FSTL4: variants seen among roughly 807,000 people sequenced by gnomAD.
The protein encoded by FSTL4 is follistatin-related protein 4.
In FSTL4, 28 loss-of-function variants were observed where a neutral mutation model predicts 78.2. That is an observed-to-expected ratio of 0.36 (90% confidence interval 0.27 to 0.49). The LOEUF is 0.49. Among genes scored for constraint, FSTL4 ranks in the 20% least tolerant of loss-of-function variants. The pLI is 0.98. For synonymous variants in FSTL4, 422 were observed against 440.5 expected (o/e 0.96, Z 0.53); for missense variants, 922 against 1,084.9 (o/e 0.85, Z 2.11).
At chr5:133,837,063 G>T in the FSTL4 span, among the ~76,000 whole-genome samples, 1 of 151,890 alleles carries the variant, frequency 6.6e-6, no homozygotes, top group Non-Finnish European at 1.5e-5. Flanking sequence ...CTCCAGTTAC[G>T]CATGTTAGAC....
At chr5:133,460,976 G>A (rs940200745) in intron 3 of FSTL4, among the ~76,000 whole-genome samples, 7 of 152,202 alleles carry the variant, frequency 4.6e-5, no homozygotes, top group African/African-American at 1.7e-4. Flanking sequence ...TTAATTGTAT[G>A]TATAAAGTAG....
the FSTL4 span, among the ~76,000 whole-genome samples, chr5:133,670,808 C>A: frequency 0.012 from 1,793 of 152,270 alleles, 31 homozygotes; most frequent in African/African-American, 0.041. Flanking sequence ...GGAGTGAGTA[C>A]ATTTTGCGTG....
At chr5:133,767,260 C>T in the FSTL4 span, among the ~76,000 whole-genome samples, 2 of 152,134 alleles carry the variant, frequency 1.3e-5, no homozygotes, top group African/African-American at 2.4e-5. Flanking sequence ...ATTCATTTAT[C>T]GAGAGTGGCT....
At chr5:133,673,566 C>T in the FSTL4 span, among the ~76,000 whole-genome samples, 6 of 152,248 alleles carry the variant, frequency 3.9e-5, no homozygotes, top group African/African-American at 1.2e-4. Flanking sequence ...TGACATCTCA[C>T]GATGCCTGCC....
chr5:133,201,839 G>T, intron 15 of FSTL4, 94 bp downstream of exon 15: 1 of 684,166 alleles, frequency 1.5e-6, no homozygotes, highest in Non-Finnish European at 2.5e-6. Context: ...GGAGGAGACA[G>T]AGAAATGAGC....
At chr5:133,298,791 T>C (rs1244038781) in intron 6 of FSTL4, among the ~76,000 whole-genome samples, 1 of 152,238 alleles carries the variant, frequency 6.6e-6, no homozygotes, top group Non-Finnish European at 1.5e-5. Flanking sequence ...TGCCAGGCCA[T>C]TCTCCCTGGA....
At chr5:133,476,348 C>A (rs537244529) in intron 3 of FSTL4, among the ~76,000 whole-genome samples, 1 of 152,290 alleles carries the variant, frequency 6.6e-6, no homozygotes, top group Non-Finnish European at 1.5e-5. Flanking sequence ...CTTGTGTATA[C>A]CACATTGCAG....
chr5:133,373,858 C>G (rs1002062918), intron 4 of FSTL4, among the ~76,000 whole-genome samples: 1 of 152,198 alleles, frequency 6.6e-6, no homozygotes, highest in Admixed American at 6.5e-5. Flanking sequence ...GCATGATGCC[C>G]TTCTCTATGT....
At chr5:133,747,458 T>C in the FSTL4 span, among the ~76,000 whole-genome samples, 1 of 152,084 alleles carries the variant, frequency 6.6e-6, no homozygotes, top group Non-Finnish European at 1.5e-5. Flanking sequence ...AAGTAAGAAC[T>C]GTTAGTAGCA....
intron 4 of FSTL4, among the ~76,000 whole-genome samples, chr5:133,362,560 C>T (rs1375533730): frequency 6.6e-6 from 1 of 152,252 alleles, no homozygotes; most frequent in African/African-American, 2.4e-5. Flanking sequence ...CTCAGTGCGT[C>T]TGTGGGGCTC....
chr5:133,286,311 C>CA, intron 6 of FSTL4, among the ~76,000 whole-genome samples: 1 of 152,262 alleles, frequency 6.6e-6, no homozygotes, highest in South Asian at 2.1e-4. Flanking sequence ...GTATCAGGCA[C>CA]ACGGTTAACA....
intron 6 of FSTL4, among the ~76,000 whole-genome samples, chr5:133,289,562 G>C (rs1753210311): frequency 6.6e-6 from 1 of 152,212 alleles, no homozygotes; most frequent in African/African-American, 2.4e-5. Context: ...GACTGCATGT[G>C]TCTCCCTTCC....
At chr5:133,415,137 A>G (rs999986310) in intron 3 of FSTL4, among the ~76,000 whole-genome samples, 6 of 152,242 alleles carry the variant, frequency 3.9e-5, no homozygotes. Flanking sequence ...GACTGAGTTG[A>G]GTTTGAAGTA....
At chr5:133,250,436 G>T (rs1752187053) in intron 6 of FSTL4, among the ~76,000 whole-genome samples, 1 of 152,148 alleles carries the variant, frequency 6.6e-6, no homozygotes, top group Non-Finnish European at 1.5e-5. Context: ...CAGGGAGGCT[G>T]GGGCAATAGC....
At chr5:133,201,451 G>A (rs1750317260) in intron 15 of FSTL4, among the ~76,000 whole-genome samples, 2 of 152,204 alleles carry the variant, frequency 1.3e-5, no homozygotes, top group African/African-American at 4.8e-5. Context: ...ATGGGAATGT[G>A]GAAGAATGGT....
the FSTL4 span, among the ~76,000 whole-genome samples, chr5:133,693,757 A>G: frequency 6.6e-6 from 1 of 152,232 alleles, no homozygotes; most frequent in Non-Finnish European, 1.5e-5. Flanking sequence ...AAGGGGCTGC[A>G]TCTGGTGTAA....
chr5:133,627,293 G>T, the FSTL4 span, among the ~76,000 whole-genome samples: 2 of 151,936 alleles, frequency 1.3e-5, no homozygotes, highest in African/African-American at 4.8e-5. Flanking sequence ...TGAGGAGCAA[G>T]GCACAATCAT....
chr5:133,315,550 A>T (rs918547456), intron 5 of FSTL4, among the ~76,000 whole-genome samples: 1 of 152,176 alleles, frequency 6.6e-6, no homozygotes, highest in Non-Finnish European at 1.5e-5. Context: ...ATTGGCATCA[A>T]AGGTGGGAAC....
chr5:133,563,237 T>G (rs550250356), intron 3 of FSTL4, among the ~76,000 whole-genome samples: 2 of 152,286 alleles, frequency 1.3e-5, no homozygotes, highest in East Asian at 3.9e-4. Context: ...TGCTACTGTG[T>G]CTACCTTCAA....
Sources: allele counts gnomAD v4.1 joint callset (sites outside exome capture counted in the v4.1 genomes callset), GRCh38; gene constraint gnomAD v4.1.1; transcripts MANE v1.5; gene names NCBI Gene and HGNC (gene_info 2026-07-23, HGNC 2026-07-21).